The following CNTNAP2 variants were observed in gnomAD, a reference collection of about 807,000 sequenced individuals.
CNTNAP2 encodes contactin associated protein 2, also known as contactin-associated protein-like 2.
A neutral mutation model predicts 155.2 loss-of-function variants in CNTNAP2; 98 were observed. The ratio of observed to expected loss-of-function variants is 0.63; its 90% CI spans 0.54 to 0.75. The LOEUF (loss-of-function observed/expected upper bound fraction) is 0.75, where lower values mean the gene tolerates loss of function less well. CNTNAP2 is among the 30% of genes least tolerant of loss of function. CNTNAP2 has a pLI of 0.00. For synonymous variants in CNTNAP2, 651 were observed against 631.2 expected (o/e 1.03, Z -0.47); for missense variants, 1,727 against 1,688.1 (o/e 1.02, Z -0.40).
intron 12 of CNTNAP2, among the ~76,000 whole-genome samples, chr7:147,595,303 G>A (rs1800807779): frequency 6.6e-6 from 1 of 152,068 alleles, no homozygotes; most frequent in Non-Finnish European, 1.5e-5. Flanking sequence ...CCTGATCTCT[G>A]TTTATCATCC....
At chr7:146,513,704 A>G (rs1032821018) in intron 1 of CNTNAP2, among the ~76,000 whole-genome samples, 7 of 151,972 alleles carry the variant, frequency 4.6e-5, no homozygotes, top group African/African-American at 1.7e-4. Flanking sequence ...CATACTATAG[A>G]TATGAGTGGT....
At chr7:148,043,011 C>T (rs563050937) in intron 15 of CNTNAP2, among the ~76,000 whole-genome samples, 1 of 152,270 alleles carries the variant, frequency 6.6e-6, no homozygotes, top group Admixed American at 6.5e-5. Context: ...AATTTAAATG[C>T]TCTCCAGACA....
At chr7:146,481,120 C>A (rs950537220) in intron 1 of CNTNAP2, among the ~76,000 whole-genome samples, 1 of 152,026 alleles carries the variant, frequency 6.6e-6, no homozygotes, top group African/African-American at 2.4e-5. Flanking sequence ...TCAACTCATT[C>A]CAGCAAGTAA....
chr7:148,238,246 G>A (rs567732555), intron 20 of CNTNAP2, among the ~76,000 whole-genome samples: 1 of 152,316 alleles, frequency 6.6e-6, no homozygotes, highest in African/African-American at 2.4e-5. Context: ...CTACTCAGGG[G>A]GCTGAGACAG....
At chr7:147,690,669 A>G (rs1796075382) in intron 13 of CNTNAP2, among the ~76,000 whole-genome samples, 1 of 152,176 alleles carries the variant, frequency 6.6e-6, no homozygotes, top group Non-Finnish European at 1.5e-5. Flanking sequence ...GGTGGGAGGC[A>G]ATATTAGGAG....
At chr7:147,284,306 G>A (rs1805127719) in intron 8 of CNTNAP2, among the ~76,000 whole-genome samples, 1 of 151,582 alleles carries the variant, frequency 6.6e-6, no homozygotes, top group Middle Eastern at 3.2e-3. Context: ...TCATTTTAGT[G>A]ATAAAAATTT....
At position 147,771,484 on chromosome 7, in the gene CNTNAP2, A is replaced by G. The variant is rs150967368; in HGVS notation, c.2099-132081A>G. Among the ~76,000 whole-genome samples, 501 of 152,344 alleles carry G rather than the reference A, an allele frequency of 3.3e-3. 6 individuals are homozygous for G. Among genetic ancestry groups the G allele is most frequent in the African/African-American group, 0.011 (472 of 41,582 alleles). ...TGGTTGATTCGTGGGTGACATTTCT[A>G]AGGCAGGGAGGCTACAGCTGCAAGA... On this transcript the variant is annotated intron_variant, in intron 13 of 23. Coordinates refer to ENST00000361727, the MANE Select transcript of CNTNAP2 (RefSeq NM_014141.6).
At chr7:146,258,620 C>T (rs2129081113) in intron 1 of CNTNAP2, among the ~76,000 whole-genome samples, 1 of 152,104 alleles carries the variant, frequency 6.6e-6, no homozygotes, top group African/African-American at 2.4e-5. Context: ...TACTTGTTAC[C>T]ATATATTAAG....
At chr7:147,902,164 CT>C (rs1799881088) in intron 13 of CNTNAP2, among the ~76,000 whole-genome samples, 2 of 152,126 alleles carry the variant, frequency 1.3e-5, no homozygotes, top group African/African-American at 4.8e-5. Context: ...AAATAGACTC[CT>C]AAATCACAGA....
chr7:148,401,701 C>A (rs1050082300), intron 22 of CNTNAP2, among the ~76,000 whole-genome samples: 2 of 151,962 alleles, frequency 1.3e-5, no homozygotes, highest in Admixed American at 6.6e-5. Context: ...CGGGTTCATG[C>A]TATTCTCCTG....
At chr7:147,677,239 TG>T (rs1157628467) in intron 13 of CNTNAP2, among the ~76,000 whole-genome samples, 1 of 151,988 alleles carries the variant, frequency 6.6e-6, no homozygotes, top group Non-Finnish European at 1.5e-5. Context: ...AGTTTTAATT[TG>T]TCTTTCCCTA....
At chr7:146,123,870 C>G (rs2116723051) in intron 1 of CNTNAP2, among the ~76,000 whole-genome samples, 1 of 152,196 alleles carries the variant, frequency 6.6e-6, no homozygotes, top group African/African-American at 2.4e-5. Context: ...CAGTAATAGA[C>G]TGGACAAAGA....
Position 147,601,644 on chromosome 7 carries a change from A to AAAAAT in CNTNAP2, c.1898-37461_1898-37460insAAATA, listed in dbSNP as rs1299075338. ...TTAAAGACATTGACTCTTAAAAAAAAATATATATATATATATATATATATA... is the reference window on the plus strand; with the variant it reads ...TTAAAGACATTGACTCTTAAAAAAAAAAAATATATATATATATATATATATATATA... On this transcript the variant is annotated intron_variant, in intron 12 of 23. Transcript: ENST00000361727. Among the ~76,000 whole-genome samples, 771 of 87,316 alleles carry AAAAAT rather than the reference A, an allele frequency of 8.8e-3. 3 individuals are homozygous for AAAAAT. Among genetic ancestry groups the AAAAAT allele is most frequent in the African/African-American group, 0.024 (565 of 23,284 alleles). 57.3% of individuals were successfully genotyped at this position (87,316 alleles called of 152,430 possible). A position where few individuals can be genotyped will look rare whatever the true frequency, so the allele number is the denominator to read the frequency against.
rs185709001 is a variant in CNTNAP2, at chr7:146,963,236, C to G, written c.403-80671C>G. On this transcript the variant is annotated intron_variant, in intron 3 of 23. Transcript: ENST00000361727. ...TGACTAGAAGTTCTCTAAAATATAT[C>G]TATTTCTAATTTTATTTCATTTGAT... 4.6e-5 allele frequency: 7 copies of G among 152,276 alleles called. No individual in the cohort carries two copies. The East Asian group carries it at 1.2e-3, about 25-fold the overall frequency. The allele number at this position is 152,276 out of a possible 1,614,324, so 9.4% of individuals were successfully genotyped here.
At chr7:147,374,484 A>G (rs1011705197) in intron 9 of CNTNAP2, among the ~76,000 whole-genome samples, 3 of 152,122 alleles carry the variant, frequency 2.0e-5, no homozygotes, top group African/African-American at 7.2e-5. Context: ...AATAATCTGA[A>G]CCAAGGCTTC....
chr7:146,759,037 A>G (rs1396983394), intron 1 of CNTNAP2, among the ~76,000 whole-genome samples: 3 of 152,218 alleles, frequency 2.0e-5, no homozygotes, highest in East Asian at 3.8e-4. Context: ...ACACCCACAT[A>G]TATGTGTTGA....
chr7:146,533,809 T>A (rs1797806099), intron 1 of CNTNAP2, among the ~76,000 whole-genome samples: 2 of 152,110 alleles, frequency 1.3e-5, no homozygotes, highest in South Asian at 4.1e-4. Flanking sequence ...CATGTAATAT[T>A]CAGTTTTGTT....
chr7:146,760,520 G>C (rs750906940), intron 1 of CNTNAP2, among the ~76,000 whole-genome samples: 6 of 139,508 alleles, frequency 4.3e-5, no homozygotes, highest in Non-Finnish European at 9.1e-5. Flanking sequence ...TGCCTCCTGG[G>C]TTCAAGCCAT....
chr7:146,709,886 T>C (rs936015036), intron 1 of CNTNAP2, among the ~76,000 whole-genome samples: 1 of 152,140 alleles, frequency 6.6e-6, no homozygotes, highest in Non-Finnish European at 1.5e-5. Flanking sequence ...CTAACATCTG[T>C]TTAGTTTTGG....
Sources: allele counts gnomAD v4.1 joint callset (sites outside exome capture counted in the v4.1 genomes callset), GRCh38; gene constraint gnomAD v4.1.1; transcripts MANE v1.5; gene names NCBI Gene and HGNC (gene_info 2026-07-23, HGNC 2026-07-21).